FLNC: variants seen among roughly 807,000 people sequenced by gnomAD.
The protein encoded by FLNC is filamin C.
A neutral mutation model predicts 254.3 loss-of-function variants in FLNC; 91 were observed. The observed-to-expected ratio is 0.36, with a 90% CI of 0.30 to 0.43. FLNC has a LOEUF of 0.43. Ranked by LOEUF, FLNC falls within the 20% of genes least tolerant of loss-of-function variation. The pLI is 1.00. For missense variants in FLNC, 2,853 were observed against 3,802.6 expected (o/e 0.75, Z 6.57); for synonymous variants, 1,430 against 1,577.2 (o/e 0.91, Z 2.21).
rs368892134 is a variant in FLNC at position 128,838,437 on chromosome 7, G to T, written c.1210+8G>T. 1 of 1,613,670 alleles carries T rather than the reference G, an allele frequency of 6.2e-7. No individual in the cohort carries two copies. The highest frequency in any genetic ancestry group is 1.7e-5 in the Admixed American group (1 of 60,032). ...TTGACATCTACACTGCGGGTAGGAC[G>T]GGCCCCAGGGGGTGCAGGTGGAAAG... On this transcript the variant is annotated splice_region_variant and intron_variant, in intron 7 of 47. Coordinates refer to ENST00000325888, the MANE Select transcript of FLNC (RefSeq NM_001458.5).
chr7:128,835,306 C>T lies in FLNC; in HGVS notation c.353-20C>T, dbSNP rs755231748. 5.6e-6 allele frequency: 9 copies of T among 1,612,630 alleles called. No individual in the cohort carries two copies. Among genetic ancestry groups the T allele is most frequent in the Non-Finnish European group, 7.6e-6 (9 of 1,179,970 alleles). On this transcript the variant is annotated intron_variant, in intron 1 of 47. Transcript: ENST00000325888. The surrounding 1 kb of genome is among the most constrained non-coding windows in gnomAD (Gnocchi z 5.3). Reference sequence around the variant, plus strand: ...GAGGGTGGGGCGCCCCTGAGCCCGTCTGTGCCCTCCCCTCTGCAGACAGCA... The same window carrying T: ...GAGGGTGGGGCGCCCCTGAGCCCGTTTGTGCCCTCCCCTCTGCAGACAGCA...
rs200417422 is a variant in FLNC, at chr7:128,843,612, G to A, written c.2811+35G>A. 4.2e-5 allele frequency: 67 copies of A among 1,612,094 alleles called. No homozygotes were observed. The Middle Eastern group carries it at 4.9e-4, about 12-fold the overall frequency. ...GCCCCTCCCATGCTACCGCCCGGCC[G>A]GCCCGCCAGAGCCCTGGGTCTCCCT... On this transcript the variant is annotated intron_variant, in intron 18 of 47. Coordinates refer to ENST00000325888, the MANE Select transcript of FLNC (RefSeq NM_001458.5).
chr7:128,846,615 C>T, intron 23 of FLNC, 130 bp from the exon 24 acceptor site: 2 of 1,348,740 alleles, frequency 1.5e-6, no homozygotes, highest in Non-Finnish European at 2.1e-6. Flanking sequence ...CAGATTGGCC[C>T]CTGTAGCTCG....
rs1808205111 is a variant in FLNC, at chr7:128,838,661, A to G, written c.1269A>G (p.Thr423=). 6.2e-7 allele frequency: 1 copy of G among 1,612,990 alleles called. No homozygotes were observed. Among genetic ancestry groups the G allele is most frequent in the Non-Finnish European group, 8.5e-7 (1 of 1,179,982 alleles). ...TGGACCCACAGGGCCGGCGGGACAC[A>G]GTGGAGGTGGCCCTGGAGGACAAGG... The part of the protein sequence containing the change: ...VIVDPQGRRD[T]VEVALEDKGD... The change falls in exon 8 of 48, where the codon ACA becomes ACG. Residue 423 remains threonine, a synonymous_variant. Transcript: ENST00000325888.
chr7:128,846,397 G>A lies in FLNC; in HGVS notation c.4061G>A (p.Arg1354Gln), dbSNP rs572132215. 1.7e-5 allele frequency: 28 copies of A among 1,610,228 alleles called. No homozygotes were observed. The highest frequency in any genetic ancestry group is 3.3e-5 in the Admixed American group (2 of 60,030). ...GAGGGCTGTGATCCCACCCGCGTCCGAGCCTTCGGGCCAGGCCTGGAGGGT... is the reference window on the plus strand; with the variant it reads ...GAGGGCTGTGATCCCACCCGCGTCCAAGCCTTCGGGCCAGGCCTGGAGGGT... ...VTEGCDPTRV[R>Q]AFGPGLEGGL... is the part of the protein sequence containing the mutation. Residue 1354 changes from arginine to glutamine, a missense_variant, in exon 23 of 48, where the codon CGA (arginine) becomes CAA (glutamine). Transcript: ENST00000325888.
chr7:128,830,511 G>T lies in FLNC; in HGVS notation c.-127G>T. On this transcript the variant is annotated 5_prime_UTR_variant, in exon 1 of 48. Coordinates refer to ENST00000325888, the MANE Select transcript of FLNC (RefSeq NM_001458.5). ...CGCCGAGCCCCGCCAGCCCCGGCGC[G>T]AGAGAAGTTGGAGAGGAGAGCAGCG... The T allele has an allele frequency of 2.5e-6, 2 of 797,722 alleles. No homozygotes were observed. The highest frequency in any genetic ancestry group is 3.5e-5 in the South Asian group (2 of 57,124). The allele number at this position is 797,722 out of a possible 1,614,324, so 49.4% of individuals were successfully genotyped here.
Position 128,845,394 on chromosome 7 carries a change from C to T in FLNC, c.3790+139C>T, listed in dbSNP as rs562814101. On this transcript the variant is annotated intron_variant, in intron 21 of 47. Transcript: ENST00000325888. Reference sequence around the variant, plus strand: ...AGGGCTCTCGGAGCAGCCCCAGAGTCCTTACTGGCCCAGAAACCCCAGAGA... The same window carrying T: ...AGGGCTCTCGGAGCAGCCCCAGAGTTCTTACTGGCCCAGAAACCCCAGAGA... 50 of 749,650 alleles carry T rather than the reference C, an allele frequency of 6.7e-5. No homozygotes were observed. The East Asian group carries it at 6.7e-4, about 10-fold the overall frequency. 46.4% of individuals were successfully genotyped at this position (749,650 alleles called of 1,614,324 possible). A position where few individuals can be genotyped will look rare whatever the true frequency, so the allele number is the denominator to read the frequency against.
Position 128,837,200 on chromosome 7 carries a change from C to A in FLNC, c.642C>A (p.Pro214=), listed in dbSNP as rs2291558. ...GGGAGGCCTGGGACCCCAACCAGCC[C>A]GTGGAGAACGCCCGGGAGGCCATGC... ...PDWEAWDPNQ[P]VENAREAMQQ... is the part of the protein sequence containing the mutation. The change falls in exon 3 of 48, where the codon CCC becomes CCA. Residue 214 remains proline, a synonymous_variant. Transcript: ENST00000325888. 1 of 1,603,216 alleles carries A rather than the reference C, an allele frequency of 6.2e-7. No homozygotes were observed. The highest frequency in any genetic ancestry group is 1.3e-5 in the African/African-American group (1 of 74,786).
At chr7:128,849,066 T>C in intron 28 of FLNC, 84 bp downstream of exon 28, 1 of 1,592,144 alleles carries the variant, frequency 6.3e-7, no homozygotes, top group Non-Finnish European at 8.6e-7. Flanking sequence ...TCCCCAGGGG[T>C]CTGCTGGTCG....
At chr7:128,839,891 A>G in intron 8 of FLNC, 132 bp from the exon 9 acceptor site, 1 of 1,163,780 alleles carries the variant, frequency 8.6e-7, no homozygotes, top group South Asian at 1.4e-5. Flanking sequence ...TGGGGACACA[A>G]AGGGCTCCAG....
In FLNC at chr7:128,830,961, G is replaced by A. The variant is rs1807863846; in HGVS notation, c.324G>A (p.Glu108=). 1.9e-6 allele frequency: 3 copies of A among 1,610,094 alleles called. No individual in the cohort carries two copies. Among genetic ancestry groups the A allele is most frequent in the African/African-American group, 1.3e-5 (1 of 75,074 alleles). Residue 108 remains glutamate, a synonymous_variant, in exon 1 of 48, where the codon GAG becomes GAA. Coordinates refer to ENST00000325888, the MANE Select transcript of FLNC (RefSeq NM_001458.5). ...ENVSVALEFL[E]REHIKLVSID... Reference sequence around the variant, plus strand: ...TGTCCGTGGCCCTCGAGTTCCTCGAGCGCGAGCACATCAAGCTCGTGTCCA... The same window carrying A: ...TGTCCGTGGCCCTCGAGTTCCTCGAACGCGAGCACATCAAGCTCGTGTCCA...
chr7:128,847,832 C>G lies in FLNC; in HGVS notation c.4424C>G (p.Ala1475Gly). 1 of 1,613,522 alleles carries G rather than the reference C, an allele frequency of 6.2e-7. No homozygotes were observed. Among genetic ancestry groups the G allele is most frequent in the Non-Finnish European group, 8.5e-7 (1 of 1,179,782 alleles). The change falls in exon 25 of 48, where the codon GCG becomes GGG. Residue 1475 changes from alanine to glycine, a missense_variant. Around this residue, in one of 10 missense-constraint regions of FLNC, gnomAD observed 1,573 missense variants for 1,883.5 expected, o/e 0.84. Coordinates refer to ENST00000325888, the MANE Select transcript of FLNC (RefSeq NM_001458.5). ...GTGGATTGCAGTCAAGCTGGCCGGG[C>G]GCCCCTGCAGGTGGCTGTGCTGGGC... ...FTVDCSQAGR[A>G]PLQVAVLGPT...
At position 128,845,270 on chromosome 7, in the gene FLNC, G is replaced by A. The variant is rs1287366810; in HGVS notation, c.3790+15G>A. Reference sequence around the variant, plus strand: ...TGAGCCACACGGTGAGTGGACAGGAGGAGCCAAGAAAGGTCAAGTGGCAGG... The same window carrying A: ...TGAGCCACACGGTGAGTGGACAGGAAGAGCCAAGAAAGGTCAAGTGGCAGG... On this transcript the variant is annotated intron_variant, in intron 21 of 47. Coordinates refer to ENST00000325888, the MANE Select transcript of FLNC (RefSeq NM_001458.5). 6.2e-7 allele frequency: 1 copy of A among 1,605,172 alleles called. No individual in the cohort carries two copies. Among genetic ancestry groups the A allele is most frequent in the Non-Finnish European group, 8.5e-7 (1 of 1,173,674 alleles).
Position 128,858,950 on chromosome 7 carries a change from T to G in FLNC, c.*427T>G. 4.3e-6 allele frequency: 1 copy of G among 232,208 alleles called. No homozygotes were observed. The highest frequency in any genetic ancestry group is 8.6e-6 in the Non-Finnish European group (1 of 116,112). The allele number at this position is 232,208 out of a possible 1,614,324, so 14.4% of individuals were successfully genotyped here. A position where few individuals can be genotyped will look rare whatever the true frequency, so the allele number is the denominator to read the frequency against. ...TCCTGACCCCGAGGACTTGGTCTGG[T>G]CTCTCTGGTGGCTACAACCCCAGAG... On this transcript the variant is annotated 3_prime_UTR_variant, in exon 48 of 48. Transcript: ENST00000325888. The surrounding 1 kb of genome is among the most constrained non-coding windows in gnomAD (Gnocchi z 6.7).
At chr7:128,853,101 A>G in intron 37 of FLNC, 70 bp downstream of exon 37, 1 of 1,447,592 alleles carries the variant, frequency 6.9e-7, no homozygotes, top group East Asian at 2.3e-5. Context: ...CGTCCTGCCC[A>G]GCACCCCCTT....
chr7:128,856,953 T>A lies in FLNC; in HGVS notation c.7561+32T>A, dbSNP rs756037968. 9 of 1,610,862 alleles carry A rather than the reference T, an allele frequency of 5.6e-6. No homozygotes were observed. Among genetic ancestry groups the A allele is most frequent in the Non-Finnish European group, 7.6e-6 (9 of 1,177,810 alleles). On this transcript the variant is annotated intron_variant, in intron 45 of 47. Coordinates refer to ENST00000325888, the MANE Select transcript of FLNC (RefSeq NM_001458.5). This position sits in a 1 kb window ranked among gnomAD's most constrained non-coding sequence, Gnocchi z 5.9. ...GCCTGGAGCTGGGGAACAGGGTGAC[T>A]TCTGGGGGTGCTTGGCCACTAGTCT... is the stretch of plus-strand genomic sequence containing the variant.
In FLNC at chr7:128,844,020, G is replaced by A; in HGVS notation, c.2946G>A (p.Gln982=). ...TCCACGCAGAGGTGGCTGTGGGACAGGAACAAGCATTCTCTGTGAACACAC... is the reference window on the plus strand; with the variant it reads ...TCCACGCAGAGGTGGCTGTGGGACAAGAACAAGCATTCTCTGTGAACACAC... ...QGLNSKVAVG[Q]EQAFSVNTRG... Residue 982 remains glutamine (Q), a synonymous_variant, in exon 20 of 48, where the codon CAG becomes CAA. Coordinates refer to ENST00000325888, the MANE Select transcript of FLNC (RefSeq NM_001458.5). The A allele has an allele frequency of 6.2e-7, 1 of 1,614,168 alleles. No homozygotes were observed. The highest frequency in any genetic ancestry group is 8.5e-7 in the Non-Finnish European group (1 of 1,180,058).
chr7:128,839,605 G>T (rs567898840), intron 8 of FLNC, among the ~76,000 whole-genome samples: 11 of 152,236 alleles, frequency 7.2e-5, no homozygotes, highest in Non-Finnish European at 1.3e-4. Context: ...TGTATGGCAG[G>T]CTTCGAGTTC....
chr7:128,847,723 G>C lies in FLNC; in HGVS notation c.4315G>C (p.Asp1439His). The stretch of plus-strand genomic sequence containing the variant: ...GAGCCCGTTCCGCGTGCCAGTGAAG[G>C]ATGTGGTGGACCCTGGGAAGGTGAA... ...PGSPFRVPVKDVVDPGKVKCS... is the reference protein window; with the variant it reads ...PGSPFRVPVKHVVDPGKVKCS... The change falls in exon 25 of 48, where the codon GAT (aspartate) becomes CAT (histidine). Residue 1439 changes from aspartate to histidine, a missense_variant. Asp to His is a moderately conservative substitution (Grantham distance 81). Coordinates refer to ENST00000325888, the MANE Select transcript of FLNC (RefSeq NM_001458.5). 1 of 1,614,154 alleles carries C rather than the reference G, an allele frequency of 6.2e-7. No homozygotes were observed. The highest frequency in any genetic ancestry group is 8.5e-7 in the Non-Finnish European group (1 of 1,179,992).
Sources: allele counts gnomAD v4.1 joint callset (sites outside exome capture counted in the v4.1 genomes callset), GRCh38; gene constraint gnomAD v4.1.1; regional missense constraint gnomAD v4.1.1; non-coding constraint Gnocchi (gnomAD v3.1); transcripts MANE v1.5; gene names NCBI Gene and HGNC (gene_info 2026-07-23, HGNC 2026-07-21).